ALS2CL: variants seen among roughly 807,000 people sequenced by gnomAD.
ALS2CL encodes ALS2 C-terminal like.
Under a neutral mutation model 127.9 loss-of-function variants are expected in ALS2CL, and 112 were observed. The observed-to-expected ratio is 0.88, with a 90% CI of 0.75 to 1.02. The LOEUF is 1.02. Ranked by LOEUF, ALS2CL falls within the 50% of genes least tolerant of loss-of-function variation. The pLI is 0.00. For synonymous variants in ALS2CL, 519 were observed against 527.6 expected (o/e 0.98, Z 0.22); for missense variants, 1,174 against 1,236.7 (o/e 0.95, Z 0.76).
At position 46,681,404 on chromosome 3, in the gene ALS2CL, G is replaced by A; in HGVS notation, c.1278C>T (p.Tyr426=). The change falls in exon 13 of 26, where the codon TAC becomes TAT. Residue 426 remains tyrosine (Y), a synonymous_variant. Coordinates refer to ENST00000318962, the MANE Select transcript of ALS2CL (RefSeq NM_147129.5). The surrounding 1 kb of genome is among the most constrained non-coding windows in gnomAD (Gnocchi z 4.9). The part of the protein sequence containing the change: ...GSMCGYGICE[Y]STDEVYKGYF... ...AGCCCTTGTACACCTCGTCGGTGCT[G>A]TACCTGGGGAGGGCCATCAACAACG... is the stretch of plus-strand genomic sequence containing the variant. 2 of 1,606,104 alleles carry A rather than the reference G, an allele frequency of 1.2e-6. No homozygotes were observed. The highest frequency in any genetic ancestry group is 8.5e-7 in the Non-Finnish European group (1 of 1,173,910).
chr3:46,680,219 G>A (rs977393999), intron 14 of ALS2CL: 9 of 571,812 alleles, frequency 1.6e-5, no homozygotes, highest in Non-Finnish European at 2.5e-5. Flanking sequence ...AGTTGCTGAT[G>A]GGGAAACCAA....
At position 46,676,879 on chromosome 3, in the gene ALS2CL, C is replaced by A; in HGVS notation, c.1901G>T (p.Arg634Leu). 2 of 1,584,674 alleles carry A rather than the reference C, an allele frequency of 1.3e-6. No individual in the cohort carries two copies. Among genetic ancestry groups the A allele is most frequent in the Non-Finnish European group, 1.7e-6 (2 of 1,161,880 alleles). The change falls in exon 17 of 26, where the codon CGT (arginine) becomes CTT (leucine). Residue 634 changes from arginine (R) to leucine (L), a missense_variant. Transcript: ENST00000318962. ...GFDVQSSREL[R>L]RSQDYLSCER... ...GCAGGACAGGTAATCCTGAGACCTA[C>A]GCAGCTCCCTGGAGCTCTGCACGTC... is the stretch of plus-strand genomic sequence containing the variant.
chr3:46,672,064 G>T lies in ALS2CL; in HGVS notation c.2535-31C>A, dbSNP rs541779411. 9.6e-5 allele frequency: 155 copies of T among 1,614,032 alleles called. No individual in the cohort carries two copies. The South Asian group carries it at 1.6e-3, about 17-fold the overall frequency. On this transcript the variant is annotated intron_variant, in intron 23 of 25. Coordinates refer to ENST00000318962, the MANE Select transcript of ALS2CL (RefSeq NM_147129.5). ...GCAGGGTAGCTGGCTCCAGGTCAAG[G>T]CCCTTGGTTCAGTCCCAACCAGGAG...
chr3:46,687,634 G>C lies in ALS2CL; in HGVS notation c.353C>G (p.Ala118Gly), dbSNP rs1575447697. 6.2e-7 allele frequency: 1 copy of C among 1,613,262 alleles called. No individual in the cohort carries two copies. The highest frequency in any genetic ancestry group is 8.5e-7 in the Non-Finnish European group (1 of 1,179,734). The change falls in exon 4 of 26, where the codon GCA becomes GGA. Residue 118 changes from alanine (A) to glycine (G), a missense_variant. Coordinates refer to ENST00000318962, the MANE Select transcript of ALS2CL (RefSeq NM_147129.5). ...CTGTGCTCACCTTCTCCTCTTTGCTGCCTTCTGGAAGGCCTGCACCACCAT... is the reference window on the plus strand; with the variant it reads ...CTGTGCTCACCTTCTCCTCTTTGCTCCCTTCTGGAAGGCCTGCACCACCAT... Reference protein sequence around the residue: ...SCMVVQAFQKAAKRRSEYWRG... With the variant: ...SCMVVQAFQKGAKRRSEYWRG...
chr3:46,688,282 C>A lies in ALS2CL; in HGVS notation c.118G>T (p.Asp40Tyr). The change falls in exon 3 of 26, where the codon GAT becomes TAT. Residue 40 changes from aspartate to tyrosine, a missense_variant. Coordinates refer to ENST00000318962, the MANE Select transcript of ALS2CL (RefSeq NM_147129.5). ...CGCAGGCACTCTCTGCCCCAGGGAT[C>A]CGAGGGATCTGGGGCTGGGGAAGGA... ...PLLPAAPDPS[D>Y]PWGRECLRLL... The A allele has an allele frequency of 6.2e-7, 1 of 1,612,652 alleles. No homozygotes were observed. The highest frequency in any genetic ancestry group is 1.3e-5 in the African/African-American group (1 of 75,030).
chr3:46,673,246 C>T, intron 22 of ALS2CL, 93 bp downstream of exon 22: 3 of 1,015,968 alleles, frequency 3.0e-6, no homozygotes, highest in Non-Finnish European at 2.8e-6. Flanking sequence ...AGCTCCTCTG[C>T]AGCCTCCGCC....
In ALS2CL at chr3:46,673,223, C is replaced by G. The variant is rs530833702; in HGVS notation, c.2472+116G>C. Reference sequence around the variant, plus strand: ...ATGACAGTGTCTCCTCCCAACCCACCCTGCCCCTCCCCAGCTCCTCTGCAG... The same window carrying G: ...ATGACAGTGTCTCCTCCCAACCCACGCTGCCCCTCCCCAGCTCCTCTGCAG... On this transcript the variant is annotated intron_variant, in intron 22 of 25. Coordinates refer to ENST00000318962, the MANE Select transcript of ALS2CL (RefSeq NM_147129.5). 72 of 806,020 alleles carry G rather than the reference C, an allele frequency of 8.9e-5. 2 individuals carry two copies. The Middle Eastern group carries it at 1.3e-3, about 15-fold the overall frequency. The allele number at this position is 806,020 out of a possible 1,614,324, so 49.9% of individuals were successfully genotyped here.
Position 46,683,140 on chromosome 3 carries a change from G to T in ALS2CL, c.1099C>A (p.Pro367Thr). 6.4e-7 allele frequency: 1 copy of T among 1,573,896 alleles called. No homozygotes were observed. ...TYEGEWCRGR[P>T]HGKGTLKWPD... ...GCTCCAGCCACTCACTTGCCGTGGG[G>T]CCGGCCCCTGCACCACTCGCCCTCG... The change falls in exon 10 of 26, where the codon CCC becomes ACC. Residue 367 changes from proline (P) to threonine (T), a missense_variant. Transcript: ENST00000318962.
Position 46,687,606 on chromosome 3 carries a change from G to A in ALS2CL, c.368+13C>T. The stretch of plus-strand genomic sequence containing the variant: ...CACCCTGTCAGGGGCCAGTGCACCA[G>A]CCCTGTGCTCACCTTCTCCTCTTTG... On this transcript the variant is annotated intron_variant, in intron 4 of 25. Coordinates refer to ENST00000318962, the MANE Select transcript of ALS2CL (RefSeq NM_147129.5). The A allele has an allele frequency of 1.2e-6, 2 of 1,612,272 alleles. No individual in the cohort carries two copies. The highest frequency in any genetic ancestry group is 2.2e-5 in the East Asian group (1 of 44,868).
chr3:46,690,922 C>G (rs866848087), intron 1 of ALS2CL, among the ~76,000 whole-genome samples: 2 of 152,246 alleles, frequency 1.3e-5, no homozygotes, highest in South Asian at 2.1e-4. Flanking sequence ...GGGCGGGTCC[C>G]TCAGAGCTCT....
Position 46,673,746 on chromosome 3 carries a change from A to T in ALS2CL, c.2430-365T>A, listed in dbSNP as rs1698592817. Among the ~76,000 whole-genome samples, 5 of 152,058 alleles carry T rather than the reference A, an allele frequency of 3.3e-5. No homozygotes were observed. In the South Asian group the frequency reaches 1.0e-3, roughly 32 times the overall value. On this transcript the variant is annotated intron_variant, in intron 21 of 25. Coordinates refer to ENST00000318962, the MANE Select transcript of ALS2CL (RefSeq NM_147129.5). ...AGGCTGGTGTGGGGAAGCGACACTGAGGTGGTGAGGGAGGCGGGGCATGCT... is the reference window on the plus strand; with the variant it reads ...AGGCTGGTGTGGGGAAGCGACACTGTGGTGGTGAGGGAGGCGGGGCATGCT...
At chr3:46,672,937 C>T (rs528174378) in intron 22 of ALS2CL, among the ~76,000 whole-genome samples, 7 of 152,238 alleles carry the variant, frequency 4.6e-5, no homozygotes, top group African/African-American at 1.7e-4. Flanking sequence ...ACCCGGGAGG[C>T]GGAGGTTGCA....
rs765863233 is a variant in ALS2CL, at chr3:46,681,489, G to C, written c.1274+11C>G. 1 of 1,614,108 alleles carries C rather than the reference G, an allele frequency of 6.2e-7. No homozygotes were observed. Among genetic ancestry groups the C allele is most frequent in the South Asian group, 1.1e-5 (1 of 91,078 alleles). On this transcript the variant is annotated intron_variant, in intron 12 of 25. Transcript: ENST00000318962. This position sits in a 1 kb window ranked among gnomAD's most constrained non-coding sequence, Gnocchi z 4.9. ...GCCCAGCCCATGAACCCCCCAGCCA[G>C]GGTCACTTACTCACAGATGCCGTAG...
rs567373702 is a variant in ALS2CL at position 46,692,731 on chromosome 3, C to T, written c.-26+912G>A. 1.1e-4 allele frequency among the ~76,000 whole-genome samples: 17 copies of T among 152,348 alleles called. No individual in the cohort carries two copies. The East Asian group carries it at 2.7e-3, about 24-fold the overall frequency. On this transcript the variant is annotated intron_variant, in intron 1 of 25. Transcript: ENST00000318962. ...TGAGGACAGAACTGGCCAGTCACGG[C>T]GTGCCCAGGTGAGTCAGCGGCTGCC...
At chr3:46,692,321 A>G in intron 1 of ALS2CL, among the ~76,000 whole-genome samples, 1 of 152,060 alleles carries the variant, frequency 6.6e-6, no homozygotes. Context: ...GCTGAACCTT[A>G]ATATGAGGAG....
At chr3:46,677,244 A>G in intron 16 of ALS2CL, 1 of 1,393,066 alleles carries the variant, frequency 7.2e-7, no homozygotes. Flanking sequence ...CGACGAGAAG[A>G]CAGACAGAAG....
intron 21 of ALS2CL, among the ~76,000 whole-genome samples, chr3:46,673,882 C>A (rs1342422981): frequency 2.0e-5 from 3 of 152,168 alleles, no homozygotes; most frequent in South Asian, 2.1e-4. Flanking sequence ...GAAGCACCAT[C>A]CCTGTGTAAC....
Position 46,670,764 on chromosome 3 carries a change from G to A in ALS2CL, c.*220C>T, listed in dbSNP as rs1698320054. On this transcript the variant is annotated 3_prime_UTR_variant, in exon 26 of 26. Coordinates refer to ENST00000318962, the MANE Select transcript of ALS2CL (RefSeq NM_147129.5). This position sits in a 1 kb window ranked among gnomAD's most constrained non-coding sequence, Gnocchi z 5.5. ...TGCAGATTAAGGGGTCATTGAAGAT[G>A]GGCTAGTGGCCAAGGGAAAACCACC... is the stretch of plus-strand genomic sequence containing the variant. 4 of 527,922 alleles carry A rather than the reference G, an allele frequency of 7.6e-6. No individual in the cohort carries two copies. In the South Asian group the frequency reaches 8.3e-5, roughly 11 times the overall value. The allele number at this position is 527,922 out of a possible 1,614,324, so 32.7% of individuals were successfully genotyped here. A position where few individuals can be genotyped will look rare whatever the true frequency, so the allele number is the denominator to read the frequency against.
chr3:46,691,749 G>GTTTTTTT, intron 1 of ALS2CL, among the ~76,000 whole-genome samples: 1 of 147,592 alleles, frequency 6.8e-6, no homozygotes, highest in Non-Finnish European at 1.5e-5. Context: ...TTAGAGATGG[G>GTTTTTTT]ATCTCACTAT....
Sources: gnomAD v4.1 joint callset for allele counts (sites outside exome capture counted in the v4.1 genomes callset) on GRCh38, gnomAD v4.1.1 for gene constraint, Gnocchi (gnomAD v3.1) non-coding constraint, MANE v1.5 for transcripts, NCBI Gene and HGNC (gene_info 2026-07-23, HGNC 2026-07-21) for gene names.